The following NOS1AP variants were observed in gnomAD, a reference collection of about 807,000 sequenced individuals.
The protein encoded by NOS1AP is carboxyl-terminal PDZ ligand of neuronal nitric oxide synthase protein.
In NOS1AP, 21 loss-of-function variants were observed where a neutral mutation model predicts 56.2. That is an observed-to-expected ratio of 0.37 (90% CI 0.26 to 0.54). The LOEUF is 0.54. NOS1AP is among the 20% of genes least tolerant of loss of function. The pLI is 0.84. For synonymous variants in NOS1AP, 270 were observed against 274.6 expected (o/e 0.98, Z 0.17); for missense variants, 522 against 657.8 (o/e 0.79, Z 2.26).
At chr1:162,104,725 G>C (rs576768206) in intron 1 of NOS1AP, among the ~76,000 whole-genome samples, 81 of 152,186 alleles carry the variant, frequency 5.3e-4, no homozygotes, top group African/African-American at 1.9e-3. Flanking sequence ...GCATTGTGAA[G>C]TTCCTGTGTT....
chr1:162,263,378 C>T (rs531070740), intron 2 of NOS1AP, among the ~76,000 whole-genome samples: 111 of 152,336 alleles, frequency 7.3e-4, no homozygotes, highest in African/African-American at 2.6e-3. Flanking sequence ...AGTGAACTCA[C>T]TCCTGTGAGC....
chr1:162,175,919 G>T (rs938607994), intron 2 of NOS1AP, among the ~76,000 whole-genome samples: 1 of 152,124 alleles, frequency 6.6e-6, no homozygotes, highest in African/African-American at 2.4e-5. Context: ...CAGTGTACGC[G>T]TACAGTAGTA....
At chr1:162,161,457 TTGTTC>T (rs1650212197) in intron 2 of NOS1AP, among the ~76,000 whole-genome samples, 1 of 152,260 alleles carries the variant, frequency 6.6e-6, no homozygotes, top group Non-Finnish European at 1.5e-5. Flanking sequence ...AATCTATCAG[TTGTTC>T]TTTAATCATC....
intron 1 of NOS1AP, among the ~76,000 whole-genome samples, chr1:162,089,376 A>G (rs1692078303): frequency 6.6e-6 from 1 of 152,260 alleles, no homozygotes; most frequent in South Asian, 2.1e-4. Context: ...GGAATCTCAG[A>G]ATAGTAGTAC....
chr1:162,248,187 C>T (rs1299687965), intron 2 of NOS1AP, among the ~76,000 whole-genome samples: 1 of 152,006 alleles, frequency 6.6e-6, no homozygotes, highest in African/African-American at 2.4e-5. Context: ...CTAACAAACA[C>T]CATGGTGTTT....
intron 1 of NOS1AP, among the ~76,000 whole-genome samples, chr1:162,134,626 T>C (rs2102067252): frequency 6.6e-6 from 1 of 152,050 alleles, no homozygotes; most frequent in African/African-American, 2.4e-5. Context: ...CCTGAATTCA[T>C]CTCCCTCTCC....
At chr1:162,236,668 G>T (rs1395841634) in intron 2 of NOS1AP, among the ~76,000 whole-genome samples, 1 of 151,996 alleles carries the variant, frequency 6.6e-6, no homozygotes, top group Non-Finnish European at 1.5e-5. Flanking sequence ...TTTTTCTTTG[G>T]TGGGGGATGG....
intron 1 of NOS1AP, among the ~76,000 whole-genome samples, chr1:162,121,831 G>T (rs1172077281): frequency 1.3e-5 from 2 of 152,170 alleles, no homozygotes; most frequent in Non-Finnish European, 2.9e-5. Context: ...GGGGATATGG[G>T]ATAATTGTTC....
At chr1:162,106,754 G>A (rs1571015652) in intron 1 of NOS1AP, among the ~76,000 whole-genome samples, 1 of 152,274 alleles carries the variant, frequency 6.6e-6, no homozygotes, top group East Asian at 1.9e-4. Context: ...ACAAACTGTA[G>A]GGGGAAATCG....
intron 2 of NOS1AP, among the ~76,000 whole-genome samples, chr1:162,248,744 C>T (rs909687836): frequency 1.3e-5 from 2 of 152,160 alleles, no homozygotes; most frequent in African/African-American, 4.8e-5. Context: ...ACCCCAACTC[C>T]ACCAACACAA....
rs1176314056 is a variant in NOS1AP at position 162,188,692 on chromosome 1, A to T, written c.177+34216A>T. ...TATGTGCCTTCCTTGAAGTGCAGTG[A>T]GTTTTGTTGAATGATAACAGTGTAA... On this transcript the variant is annotated intron_variant, in intron 2 of 9. Coordinates refer to ENST00000361897, the MANE Select transcript of NOS1AP (RefSeq NM_014697.3). The surrounding 1 kb of genome is among the most constrained non-coding windows in gnomAD (Gnocchi z 4.0). Among the ~76,000 whole-genome samples, 1 of 152,184 alleles carries T rather than the reference A, an allele frequency of 6.6e-6. No individual in the cohort carries two copies. The highest frequency in any genetic ancestry group is 1.5e-5 in the Non-Finnish European group (1 of 68,038).
At chr1:162,322,765 TG>T (rs1278242679) in intron 4 of NOS1AP, among the ~76,000 whole-genome samples, 1 of 152,182 alleles carries the variant, frequency 6.6e-6, no homozygotes, top group Non-Finnish European at 1.5e-5. Context: ...ATCCAGGACT[TG>T]GAAACATAAG....
chr1:162,213,540 C>T (rs188025484), intron 2 of NOS1AP, among the ~76,000 whole-genome samples: 9 of 152,346 alleles, frequency 5.9e-5, no homozygotes, highest in Non-Finnish European at 1.5e-5. Context: ...ATTTTCTGTC[C>T]TCACTGTTGA....
At chr1:162,309,949 G>A (rs1433588075) in intron 4 of NOS1AP, among the ~76,000 whole-genome samples, 1 of 152,038 alleles carries the variant, frequency 6.6e-6, no homozygotes, top group Non-Finnish European at 1.5e-5. Flanking sequence ...ATGAGATAAG[G>A]GAAATGCTGT....
intron 2 of NOS1AP, among the ~76,000 whole-genome samples, chr1:162,221,268 G>A (rs779041545): frequency 9.2e-5 from 14 of 152,160 alleles, no homozygotes; most frequent in Non-Finnish European, 1.5e-4. Flanking sequence ...CATTTTTGAA[G>A]TGGTGGTTAA....
intron 5 of NOS1AP, among the ~76,000 whole-genome samples, chr1:162,333,721 C>T (rs552095858): frequency 9.9e-5 from 15 of 152,246 alleles, no homozygotes; most frequent in African/African-American, 2.4e-4. Context: ...TAGGTCCCAG[C>T]GTTCTCATCT....
At chr1:162,238,351 G>C (rs1400686412) in intron 2 of NOS1AP, among the ~76,000 whole-genome samples, 1 of 152,110 alleles carries the variant, frequency 6.6e-6, no homozygotes, top group Non-Finnish European at 1.5e-5. Flanking sequence ...CCTGGTTGGG[G>C]ATAGAGTCTA....
At chr1:162,172,092 C>T (rs577080267) in intron 2 of NOS1AP, among the ~76,000 whole-genome samples, 1 of 152,224 alleles carries the variant, frequency 6.6e-6, no homozygotes, top group East Asian at 1.9e-4. Context: ...ACTCAGCCTA[C>T]CCACTATCTT....
intron 2 of NOS1AP, among the ~76,000 whole-genome samples, chr1:162,164,495 C>T (rs1650385103): frequency 6.6e-6 from 1 of 152,200 alleles, no homozygotes; most frequent in Non-Finnish European, 1.5e-5. Context: ...CTAAGATGAA[C>T]TCTGTACCCA....
Sources: gnomAD v4.1 joint callset for allele counts (sites outside exome capture counted in the v4.1 genomes callset) on GRCh38, gnomAD v4.1.1 for gene constraint, Gnocchi (gnomAD v3.1) non-coding constraint, MANE v1.5 for transcripts, NCBI Gene and HGNC (gene_info 2026-07-23, HGNC 2026-07-21) for gene names.